Variants in WWOX observed in about 807,000 individuals in gnomAD.
The protein encoded by WWOX is WW domain containing oxidoreductase, also known as WW domain-containing oxidoreductase.
Under a neutral mutation model 46.2 loss-of-function variants are expected in WWOX, and 69 were observed. The observed-to-expected ratio is 1.49, with a 90% CI of 1.23 to 1.82. The LOEUF (loss-of-function observed/expected upper bound fraction) is 1.82, where lower values mean the gene tolerates loss of function less well. Ranked by LOEUF, WWOX falls within the 40% of genes most tolerant of loss-of-function variation. WWOX has a pLI of 0.00. For missense variants in WWOX, 919 were observed against 542.6 expected, an observed-to-expected ratio of 1.69 and a Z score of -6.89; for synonymous variants, 359 against 202.6, an observed-to-expected ratio of 1.77 and a Z score of -6.56.
intron 4 of WWOX, among the ~76,000 whole-genome samples, chr16:78,159,371 G>A (rs768791111): frequency 2.2e-4 from 33 of 152,030 alleles, no homozygotes; most frequent in Non-Finnish European, 4.4e-4. Context: ...TTCTTGTTTC[G>A]TTTTTTGAGG....
At chr16:78,728,056 T>TCCC (rs1567519471) in intron 8 of WWOX, among the ~76,000 whole-genome samples, 2 of 68,966 alleles carry the variant, frequency 2.9e-5, no homozygotes, top group African/African-American at 8.1e-5. Context: ...CCCTCCTTCC[T>TCCC]TTTTTTTTTT....
At chr16:78,829,455 G>T (rs991481174) in intron 8 of WWOX, among the ~76,000 whole-genome samples, 28 of 152,178 alleles carry the variant, frequency 1.8e-4, no homozygotes, top group Admixed American at 1.8e-3. Flanking sequence ...TGATTCAAAG[G>T]TTAGTCTCAT....
intron 8 of WWOX, among the ~76,000 whole-genome samples, chr16:79,012,342 C>T (rs568558574): frequency 6.6e-6 from 1 of 152,208 alleles, no homozygotes; most frequent in South Asian, 2.1e-4. Context: ...AAGTAATTCT[C>T]CTACCTCAGC....
At chr16:78,765,168 G>A (rs1307391120) in intron 8 of WWOX, among the ~76,000 whole-genome samples, 1 of 152,248 alleles carries the variant, frequency 6.6e-6, no homozygotes, top group East Asian at 1.9e-4. Flanking sequence ...GCCCCACAGT[G>A]TGGGGATTGG....
intron 8 of WWOX, among the ~76,000 whole-genome samples, chr16:78,507,792 C>G (rs1441242153): frequency 6.6e-6 from 1 of 152,122 alleles, no homozygotes; most frequent in Non-Finnish European, 1.5e-5. Context: ...AGCATCCTGC[C>G]TTGATTAATA....
chr16:78,998,088 G>C (rs4888913), intron 8 of WWOX, among the ~76,000 whole-genome samples: 109,258 of 151,960 alleles, frequency 0.72, 39,569 homozygotes, highest in African/African-American at 0.78. Flanking sequence ...GTTGTTCAGG[G>C]TGGTCTTGAA....
intron 8 of WWOX, among the ~76,000 whole-genome samples, chr16:78,664,594 C>A (rs1174664143): frequency 6.6e-6 from 1 of 152,168 alleles, no homozygotes; most frequent in African/African-American, 2.4e-5. Flanking sequence ...TGTCAAAACT[C>A]TGTGTCCAGA....
chr16:78,395,193 A>C lies in WWOX; in HGVS notation c.605+8245A>C, dbSNP rs372339788. Among the ~76,000 whole-genome samples the C allele has an allele frequency of 2.6e-5, 4 of 152,320 alleles. No homozygotes were observed. The South Asian group carries it at 8.3e-4, about 32-fold the overall frequency. ...CAGGAAAAGGGGATGTTGTGCTCAG[A>C]GAGGAAGTGTGGGTCTCATAAGGGC... On this transcript the variant is annotated intron_variant, in intron 6 of 8. Transcript: ENST00000566780.
intron 8 of WWOX, among the ~76,000 whole-genome samples, chr16:78,553,592 G>T (rs902040212): frequency 3.0e-4 from 46 of 152,266 alleles, no homozygotes; most frequent in African/African-American, 1.1e-3. Context: ...GCCTACAAGG[G>T]AGCAGGTTTT....
intron 8 of WWOX, among the ~76,000 whole-genome samples, chr16:78,564,442 G>C (rs998983681): frequency 1.1e-4 from 17 of 152,086 alleles, no homozygotes; most frequent in African/African-American, 4.1e-4. Context: ...ATATGCTACA[G>C]GGATATTCAA....
intron 8 of WWOX, among the ~76,000 whole-genome samples, chr16:79,140,075 G>GC (rs1305448491): frequency 1.3e-5 from 2 of 152,130 alleles, no homozygotes; most frequent in Non-Finnish European, 2.9e-5. Context: ...TACTCACAGT[G>GC]CCCCCATGGT....
chr16:78,934,493 T>C (rs28361930), intron 8 of WWOX, among the ~76,000 whole-genome samples: 68,170 of 133,658 alleles, frequency 0.51, 17,124 homozygotes, highest in African/African-American at 0.61. Context: ...TGGGCAACAG[T>C]GCGAAACCCT....
intron 7 of WWOX, among the ~76,000 whole-genome samples, chr16:78,429,174 C>G (rs1183586577): frequency 6.6e-6 from 1 of 152,172 alleles, no homozygotes; most frequent in Non-Finnish European, 1.5e-5. Context: ...GTTTTGGAAT[C>G]AGGTGATCAA....
intron 8 of WWOX, among the ~76,000 whole-genome samples, chr16:78,564,445 A>G (rs1450525641): frequency 4.6e-5 from 7 of 152,160 alleles, no homozygotes; most frequent in Admixed American, 2.0e-4. Context: ...TGCTACAGGG[A>G]TATTCAAGAA....
At chr16:78,499,529 C>T (rs1333003642) in intron 8 of WWOX, among the ~76,000 whole-genome samples, 2 of 152,244 alleles carry the variant, frequency 1.3e-5, no homozygotes, top group African/African-American at 2.4e-5. Flanking sequence ...GATTACTCAT[C>T]AGCTGTCTCC....
chr16:78,956,637 C>T (rs369649061), intron 8 of WWOX, among the ~76,000 whole-genome samples: 4 of 143,286 alleles, frequency 2.8e-5, no homozygotes, highest in East Asian at 1.9e-4. Flanking sequence ...TCATATCATA[C>T]CGAATAATTT....
chr16:78,365,469 G>T (rs1388270611), intron 5 of WWOX, among the ~76,000 whole-genome samples: 1 of 152,182 alleles, frequency 6.6e-6, no homozygotes, highest in Non-Finnish European at 1.5e-5. Flanking sequence ...AACAAGGCTT[G>T]CAACTGAATC....
intron 8 of WWOX, among the ~76,000 whole-genome samples, chr16:79,077,049 A>G (rs1473332018): frequency 1.3e-5 from 2 of 152,124 alleles, no homozygotes; most frequent in Non-Finnish European, 2.9e-5. Flanking sequence ...TCAATTCCCT[A>G]AGGTTCCACG....
chr16:78,914,477 A>T (rs913797948), intron 8 of WWOX, among the ~76,000 whole-genome samples: 8 of 152,022 alleles, frequency 5.3e-5, no homozygotes, highest in Non-Finnish European at 1.0e-4. Context: ...TTTCTTTTTA[A>T]TGCAGAAGAT....
Sources: gnomAD v4.1 joint callset for allele counts (sites outside exome capture counted in the v4.1 genomes callset) on GRCh38, gnomAD v4.1.1 for gene constraint, MANE v1.5 for transcripts, NCBI Gene and HGNC (gene_info 2026-07-23, HGNC 2026-07-21) for gene names.